The following ZNF611 variants were observed in gnomAD, a reference collection of about 807,000 sequenced individuals.
The protein encoded by ZNF611 is zinc finger protein 611.
A neutral mutation model predicts 8.9 loss-of-function variants in ZNF611; 6 were observed. That is an observed-to-expected ratio of 0.68 (90% CI 0.37 to 1.34). ZNF611 has a LOEUF of 1.34. Among genes scored for constraint, ZNF611 ranks in the 40% most tolerant of loss-of-function variants. The pLI, the probability that ZNF611 is intolerant of heterozygous loss-of-function variation, is 0.02. For missense variants in ZNF611, 874 were observed against 841.3 expected, an observed-to-expected ratio of 1.04 and a Z score of -0.48; for synonymous variants, 262 against 279.7, an observed-to-expected ratio of 0.94 and a Z score of 0.63.
chr19:52,705,802 C>A lies in ZNF611; in HGVS notation c.1253G>T (p.Arg418Ile), dbSNP rs1316836319. The change falls in exon 6 of 6, where the codon AGA becomes ATA. Residue 418 changes from arginine (R) to isoleucine (I), a missense_variant. Physicochemically the swap from Arg to Ile is moderately conservative, Grantham distance 97. Transcript: ENST00000652185. Reference protein sequence around the residue: ...TWHSQLARHRRIHTAKKTYKC... With the variant: ...TWHSQLARHRIIHTAKKTYKC... Reference sequence around the variant, plus strand: ...ATAAGTTTTCTTTGCAGTATGAATTCTTCTATGTCGAGCCAGCTGTGAATG... The same window carrying A: ...ATAAGTTTTCTTTGCAGTATGAATTATTCTATGTCGAGCCAGCTGTGAATG... 5 of 1,613,812 alleles carry A rather than the reference C, an allele frequency of 3.1e-6. No individual in the cohort carries two copies. Among genetic ancestry groups the A allele is most frequent in the African/African-American group, 2.7e-5 (2 of 74,864 alleles).
intron 1 of ZNF611, among the ~76,000 whole-genome samples, chr19:52,734,187 G>GTCTT (rs2062442698): frequency 1.2e-5 from 1 of 84,666 alleles, no homozygotes; most frequent in Admixed American, 1.2e-4. Context: ...GCTTTCTTAG[G>GTCTT]TTTTTTTTTT....
chr19:52,727,149 A>G (rs2062398423), intron 3 of ZNF611, among the ~76,000 whole-genome samples: 1 of 152,174 alleles, frequency 6.6e-6, no homozygotes, highest in African/African-American at 2.4e-5. Flanking sequence ...TACACTCGTG[A>G]GTCACTGTGC....
At chr19:52,723,636 C>T (rs1404874282) in intron 3 of ZNF611, 1 of 152,176 alleles carries the variant, frequency 6.6e-6, no homozygotes, top group Non-Finnish European at 1.5e-5. Context: ...AGAAATAAGA[C>T]AGAGACAACG....
chr19:52,733,476 T>A (rs181152394), intron 1 of ZNF611, among the ~76,000 whole-genome samples: 41 of 152,158 alleles, frequency 2.7e-4, no homozygotes, highest in Non-Finnish European at 1.0e-4. Flanking sequence ...ATTTACTTAC[T>A]TTTTTGGCGG....
rs575362454 is a variant in ZNF611, at chr19:52,720,302, G to A, written c.-19-4389C>T. ...TGTTGGGTACACCTGCAGAAAGGCT[G>A]TCACTTCACACTTGGAAGATTGCAC... On this transcript the variant is annotated intron_variant, in intron 3 of 5. Coordinates refer to ENST00000652185, the MANE Select transcript of ZNF611 (RefSeq NM_001161499.2). Among the ~76,000 whole-genome samples the A allele has an allele frequency of 2.6e-5, 4 of 152,360 alleles. No individual in the cohort carries two copies. The East Asian group carries it at 7.7e-4, about 29-fold the overall frequency.
Position 52,714,130 on chromosome 19 carries a change from A to G in ZNF611, c.75T>C (p.Thr25=). ...AGAATTCTATAGCCACATCCCGGAA[A>G]GTCAAGCGTCCCTAAAATGAAACAC... ...PGMALPQGRL[T]FRDVAIEFSL... The change falls in exon 5 of 6, where the codon ACT becomes ACC. Residue 25 remains threonine (T), a synonymous_variant. Coordinates refer to ENST00000652185, the MANE Select transcript of ZNF611 (RefSeq NM_001161499.2). 1 of 1,613,536 alleles carries G rather than the reference A, an allele frequency of 6.2e-7. No homozygotes were observed. Among genetic ancestry groups the G allele is most frequent in the African/African-American group, 1.3e-5 (1 of 75,022 alleles).
At position 52,712,436 on chromosome 19, in the gene ZNF611, T is replaced by C. The variant is rs1395041350; in HGVS notation, c.190+1579A>G. On this transcript the variant is annotated intron_variant, in intron 5 of 5. Coordinates refer to ENST00000652185, the MANE Select transcript of ZNF611 (RefSeq NM_001161499.2). ...TCAAGACTAGCCTGGCCAGCATGCA[T>C]GGTGAAACACTGTCTCTACTAAAAA... is the stretch of plus-strand genomic sequence containing the variant. 6.1e-5 allele frequency among the ~76,000 whole-genome samples: 7 copies of C among 113,910 alleles called. No individual in the cohort carries two copies. In the South Asian group the frequency reaches 1.1e-3, roughly 18 times the overall value. 74.7% of individuals were successfully genotyped at this position (113,910 alleles called of 152,430 possible).
rs1436224335 is a variant in ZNF611 at position 52,704,634 on chromosome 19, A to G, written c.*303T>C. The G allele has an allele frequency of 5.0e-6, 8 of 1,588,832 alleles. No homozygotes were observed. The highest frequency in any genetic ancestry group is 6.0e-6 in the Non-Finnish European group (7 of 1,158,284). On this transcript the variant is annotated 3_prime_UTR_variant, in exon 6 of 6. Coordinates refer to ENST00000652185, the MANE Select transcript of ZNF611 (RefSeq NM_001161499.2). ...ATCTCTCTTCATTATGGATTCTCCA[A>G]TGATTTGTAATCGTTGTAGCATTAC...
intron 1 of ZNF611, among the ~76,000 whole-genome samples, chr19:52,733,901 C>T (rs1325949747): frequency 1.3e-5 from 2 of 152,092 alleles, no homozygotes; most frequent in East Asian, 1.9e-4. Flanking sequence ...GCCTCCTCTG[C>T]TCTCCCTGTT....
At chr19:52,709,571 CTTTA>C (rs1372886752) in intron 5 of ZNF611, among the ~76,000 whole-genome samples, 3 of 142,916 alleles carry the variant, frequency 2.1e-5, no homozygotes, top group South Asian at 2.3e-4. Flanking sequence ...TGCCCGGACT[CTTTA>C]TTTATTTTTG....
intron 1 of ZNF611, among the ~76,000 whole-genome samples, chr19:52,730,528 G>A (rs2062420032): frequency 1.3e-5 from 2 of 151,758 alleles, no homozygotes; most frequent in Admixed American, 1.3e-4. Flanking sequence ...GAGAGAATTT[G>A]GTCATGGGTG....
chr19:52,710,066 C>A (rs370323424), intron 5 of ZNF611, among the ~76,000 whole-genome samples: 25 of 152,008 alleles, frequency 1.6e-4, no homozygotes, highest in Admixed American at 1.6e-3. Flanking sequence ...CTTAAGCTTT[C>A]CAGTTTCAGC....
chr19:52,711,472 A>G (rs1020798950), intron 5 of ZNF611, among the ~76,000 whole-genome samples: 13 of 152,348 alleles, frequency 8.5e-5, no homozygotes, highest in African/African-American at 2.6e-4. Context: ...GTGAGGGACA[A>G]GACTTGATCC....
At chr19:52,713,147 G>A (rs2062291849) in intron 5 of ZNF611, among the ~76,000 whole-genome samples, 1 of 152,134 alleles carries the variant, frequency 6.6e-6, no homozygotes, top group African/African-American at 2.4e-5. Flanking sequence ...AGTGAGCCAA[G>A]ATCATGCCAC....
At chr19:52,733,614 T>G (rs1022326025) in intron 1 of ZNF611, among the ~76,000 whole-genome samples, 8 of 152,262 alleles carry the variant, frequency 5.3e-5, no homozygotes, top group East Asian at 1.9e-4. Flanking sequence ...CAGACCCTCT[T>G]TCTTCATTAC....
chr19:52,715,696 C>CTGAGG (rs2062312027), intron 4 of ZNF611, 136 bp downstream of exon 4: 38 of 1,397,332 alleles, frequency 2.7e-5, no homozygotes, highest in Middle Eastern at 3.9e-4. Flanking sequence ...CTGAGAGGAA[C>CTGAGG]TGAGGGCAGG....
chr19:52,723,038 C>T (rs143801678), intron 3 of ZNF611, among the ~76,000 whole-genome samples: 2,011 of 151,290 alleles, frequency 0.013, 19 homozygotes, highest in Non-Finnish European at 0.021. Flanking sequence ...TGAGCCACTG[C>T]GCCTGGCCCC....
intron 3 of ZNF611, among the ~76,000 whole-genome samples, chr19:52,720,707 C>T (rs1472026292): frequency 7.6e-5 from 9 of 118,526 alleles, no homozygotes; most frequent in South Asian, 3.1e-4. Context: ...TCCCAGATGG[C>T]GTGGCCGGGC....
At position 52,732,477 on chromosome 19, in the gene ZNF611, CAGAA is replaced by C. The variant is rs1229195386; in HGVS notation, c.-221-2476_-221-2473del. Among the ~76,000 whole-genome samples the C allele has an allele frequency of 9.2e-4, 68 of 73,608 alleles. 14 individuals are homozygous for C. The highest frequency in any genetic ancestry group is 4.3e-3 in the African/African-American group (53 of 12,368). The allele number at this position is 73,608 out of a possible 152,430, so 48.3% of individuals were successfully genotyped here. The stretch of plus-strand genomic sequence containing the variant: ...GAATAACTCACAGTATTGAGTTATT[CAGAA>C]TAACTCACAGTATTGAGTTATTCAG... On this transcript the variant is annotated intron_variant, in intron 1 of 5. Transcript: ENST00000652185.
Sources: gnomAD v4.1 joint callset for allele counts (sites outside exome capture counted in the v4.1 genomes callset) on GRCh38, gnomAD v4.1.1 for gene constraint, MANE v1.5 for transcripts, NCBI Gene and HGNC (gene_info 2026-07-23, HGNC 2026-07-21) for gene names.